PCDHGB1: variants seen among roughly 807,000 people sequenced by gnomAD.
PCDHGB1 encodes protocadherin gamma subfamily B, 1, also known as protocadherin gamma-B1.
PCDHGB1 carries 34 observed loss-of-function variants against 56.6 expected under a neutral mutation model. The observed-to-expected ratio is 0.60, with a 90% CI of 0.46 to 0.80. PCDHGB1 has a LOEUF of 0.80. Among genes scored for constraint, PCDHGB1 ranks in the 30% least tolerant of loss-of-function variants. The pLI is 0.00. For synonymous variants in PCDHGB1, 561 were observed against 505.9 expected, an observed-to-expected ratio of 1.11 and a Z score of -1.46; for missense variants, 1,278 against 1,204.6, an observed-to-expected ratio of 1.06 and a Z score of -0.90.
intron 1 of PCDHGB1, among the ~76,000 whole-genome samples, chr5:141,482,178 C>T (rs950570560): frequency 2.6e-5 from 4 of 151,968 alleles, no homozygotes; most frequent in African/African-American, 4.8e-5. Context: ...TAAGGCTTTA[C>T]GATGCTCCAG....
intron 1 of PCDHGB1, among the ~76,000 whole-genome samples, chr5:141,452,267 G>C (rs995249228): frequency 1.3e-5 from 2 of 151,882 alleles, no homozygotes; most frequent in Non-Finnish European, 2.9e-5. Context: ...TCATTTTCTT[G>C]AACCCTTTCT....
intron 1 of PCDHGB1, chr5:141,424,098 C>T: frequency 8.3e-6 from 7 of 846,340 alleles, no homozygotes; most frequent in Non-Finnish European, 1.0e-5. Flanking sequence ...TTTGCTATTA[C>T]TGCTAATGTT....
At chr5:141,498,803 C>T (rs916966107) in intron 2 of PCDHGB1, among the ~76,000 whole-genome samples, 5 of 151,982 alleles carry the variant, frequency 3.3e-5, no homozygotes, top group African/African-American at 1.2e-4. Flanking sequence ...TGTGGTGGTG[C>T]ACACCTGTAG....
intron 1 of PCDHGB1, chr5:141,414,010 G>A (rs1308472085): frequency 1.2e-6 from 2 of 1,612,990 alleles, no homozygotes; most frequent in Non-Finnish European, 1.7e-6. Flanking sequence ...AGGTGCCAAT[G>A]GAGAAGTGAC....
At position 141,490,688 on chromosome 5, in the gene PCDHGB1, C is replaced by A; in HGVS notation, c.2410-4119C>A. ...ACTGTGGCTGCCTCAGATCCAGACA[C>A]TGGGGATAATGCCCGCCTCACCTAC... On this transcript the variant is annotated intron_variant, in intron 1 of 3. Coordinates refer to ENST00000523390, the MANE Select transcript of PCDHGB1 (RefSeq NM_018922.3). The surrounding 1 kb of genome is among the most constrained non-coding windows in gnomAD (Gnocchi z 5.4). The A allele has an allele frequency of 6.2e-7, 1 of 1,614,218 alleles. No individual in the cohort carries two copies. The highest frequency in any genetic ancestry group is 8.5e-7 in the Non-Finnish European group (1 of 1,180,032).
chr5:141,413,788 G>T (rs2095678300), intron 1 of PCDHGB1: 1 of 1,613,166 alleles, frequency 6.2e-7, no homozygotes, highest in African/African-American at 1.3e-5. Flanking sequence ...GCACTCCCTA[G>T]ATCGCGAGGA....
chr5:141,501,970 T>C (rs2099812082), intron 2 of PCDHGB1, among the ~76,000 whole-genome samples: 1 of 152,068 alleles, frequency 6.6e-6, no homozygotes. Flanking sequence ...TCCTAACCTC[T>C]GGCATCTGGT....
chr5:141,485,539 G>C lies in PCDHGB1; in HGVS notation c.2410-9268G>C, dbSNP rs370323886. The C allele has an allele frequency of 9.9e-6, 16 of 1,613,986 alleles. No homozygotes were observed. In the African/African-American group the frequency reaches 2.0e-4, roughly 20 times the overall value. On this transcript the variant is annotated intron_variant, in intron 1 of 3. Transcript: ENST00000523390. This position sits in a 1 kb window ranked among gnomAD's most constrained non-coding sequence, Gnocchi z 5.7. ...TGGAAATGTACCGAGCAGAGGTAGA[G>C]ATCGTAGATGTGAATGATCACGCCC... is the stretch of plus-strand genomic sequence containing the variant.
chr5:141,389,805 C>G (rs1222548961), intron 1 of PCDHGB1: 1 of 1,613,802 alleles, frequency 6.2e-7, no homozygotes, highest in East Asian at 2.2e-5. Flanking sequence ...CCAGCGCCTT[C>G]TGGTCGCCGT....
intron 1 of PCDHGB1, among the ~76,000 whole-genome samples, chr5:141,460,983 GTA>G (rs59296681): frequency 1.2e-4 from 16 of 137,836 alleles, no homozygotes; most frequent in East Asian, 2.1e-4. Context: ...GTGTGTGTGT[GTA>G]TATATATATA....
At chr5:141,429,912 A>G (rs1341795921) in intron 1 of PCDHGB1, among the ~76,000 whole-genome samples, 2 of 152,234 alleles carry the variant, frequency 1.3e-5, no homozygotes, top group Admixed American at 1.3e-4. Flanking sequence ...TTGAAATATA[A>G]TGTATTAATA....
chr5:141,457,301 CCAAA>C (rs1163780799), intron 1 of PCDHGB1, among the ~76,000 whole-genome samples: 1 of 152,090 alleles, frequency 6.6e-6, no homozygotes, highest in Non-Finnish European at 1.5e-5. Context: ...TTTTATTTTC[CCAAA>C]CAAAGAAACC....
At chr5:141,389,998 T>C (rs755639909) in intron 1 of PCDHGB1, 1 of 1,614,046 alleles carries the variant, frequency 6.2e-7, no homozygotes, top group East Asian at 2.2e-5. Context: ...CTCGTGGCCA[T>C]GATTCTGGCC....
At position 141,485,326 on chromosome 5, in the gene PCDHGB1, T is replaced by C. The variant is rs2154580391; in HGVS notation, c.2410-9481T>C. On this transcript the variant is annotated intron_variant, in intron 1 of 3. Coordinates refer to ENST00000523390, the MANE Select transcript of PCDHGB1 (RefSeq NM_018922.3). This position sits in a 1 kb window ranked among gnomAD's most constrained non-coding sequence, Gnocchi z 5.7. ...CTTTTGTAGGGAATGTCGCTCAAGATTTCCTGCTGGATACGGACAGTCTGT... is the reference window on the plus strand; with the variant it reads ...CTTTTGTAGGGAATGTCGCTCAAGACTTCCTGCTGGATACGGACAGTCTGT... 1 of 1,614,106 alleles carries C rather than the reference T, an allele frequency of 6.2e-7. No homozygotes were observed. The highest frequency in any genetic ancestry group is 1.7e-5 in the Admixed American group (1 of 60,028).
At chr5:141,506,053 T>C (rs1486313858) in intron 3 of PCDHGB1, among the ~76,000 whole-genome samples, 1 of 152,126 alleles carries the variant, frequency 6.6e-6, no homozygotes, top group Non-Finnish European at 1.5e-5. Context: ...TCCCATAAGG[T>C]TGACTAAGGG....
intron 1 of PCDHGB1, chr5:141,418,580 G>A: frequency 1.2e-5 from 20 of 1,614,018 alleles, no homozygotes; most frequent in Non-Finnish European, 1.7e-5. Flanking sequence ...CAACCCCCCA[G>A]TGTTCAGCCA....
At chr5:141,357,738 G>A (rs896483270) in intron 1 of PCDHGB1, 2 of 1,293,792 alleles carry the variant, frequency 1.5e-6, no homozygotes, top group South Asian at 1.6e-5. Flanking sequence ...ATATTTTATT[G>A]CTTTAAAGAA....
chr5:141,437,444 G>A (rs957088733), intron 1 of PCDHGB1, among the ~76,000 whole-genome samples: 26 of 152,212 alleles, frequency 1.7e-4, no homozygotes, highest in Admixed American at 2.0e-4. Context: ...GCATAGGAAT[G>A]TTGAGGAGAC....
chr5:141,429,374 TG>T (rs2097206438), intron 1 of PCDHGB1, among the ~76,000 whole-genome samples: 1 of 145,410 alleles, frequency 6.9e-6, no homozygotes, highest in South Asian at 2.2e-4. Context: ...ATGGAGAAAA[TG>T]TGTTTTTTTT....
Sources: allele counts gnomAD v4.1 joint callset (sites outside exome capture counted in the v4.1 genomes callset), GRCh38; gene constraint gnomAD v4.1.1; non-coding constraint Gnocchi (gnomAD v3.1); transcripts MANE v1.5; gene names NCBI Gene and HGNC (gene_info 2026-07-23, HGNC 2026-07-21).